The following PLEKHH3 variants were observed in gnomAD, a reference collection of about 807,000 sequenced individuals.
PLEKHH3 encodes the protein pleckstrin homology, MyTH4 and FERM domain containing H3.
PLEKHH3 carries 57 observed loss-of-function variants against 77.8 expected under a neutral mutation model. That is an observed-to-expected ratio of 0.73 (90% CI 0.59 to 0.91). PLEKHH3 has a LOEUF of 0.91. PLEKHH3 is among the 40% of genes least tolerant of loss of function. The probability of loss-of-function intolerance (pLI) is 0.00; values close to 1 mark genes in which losing one functional copy is unlikely to be tolerated. For missense variants in PLEKHH3, 1,082 were observed against 1,091.2 expected (o/e 0.99, Z 0.12); for synonymous variants, 467 against 504.8 (o/e 0.93, Z 1.00).
chr17:42,674,087 C>T, intron 2 of PLEKHH3, 74 bp from the exon 3 acceptor site: 2 of 1,467,338 alleles, frequency 1.4e-6, no homozygotes, highest in South Asian at 2.4e-5. Context: ...CTCCCCAGAC[C>T]GCACGGGTGT....
At chr17:42,670,862 G>C in intron 9 of PLEKHH3, 132 bp downstream of exon 9, 1 of 1,526,474 alleles carries the variant, frequency 6.6e-7, no homozygotes, top group Non-Finnish European at 8.8e-7. Context: ...GCGGCGGGCA[G>C]GTCCGTCTGT....
In PLEKHH3 at chr17:42,671,600, TC is replaced by T; in HGVS notation, c.1077-43del. ...CCAGGGATCAATACTCCAAGGGCTTTCTTCTCCCCCTCCCTCTTGCCTGCTT... is the reference window on the plus strand; with the variant it reads ...CCAGGGATCAATACTCCAAGGGCTTTTTCTCCCCCTCCCTCTTGCCTGCTT... On this transcript the variant is annotated intron_variant, in intron 7 of 12. Coordinates refer to ENST00000591022, the MANE Select transcript of PLEKHH3 (RefSeq NM_024927.5). This position sits in a 1 kb window ranked among gnomAD's most constrained non-coding sequence, Gnocchi z 4.7. 1 of 1,546,282 alleles carries T rather than the reference TC, an allele frequency of 6.5e-7. No individual in the cohort carries two copies. The highest frequency in any genetic ancestry group is 8.8e-7 in the Non-Finnish European group (1 of 1,138,188).
chr17:42,670,730 G>C, intron 9 of PLEKHH3, 25 bp from the exon 10 acceptor site: 7 of 1,603,292 alleles, frequency 4.4e-6, no homozygotes, highest in South Asian at 1.1e-5. Context: ...CGGACGAAGC[G>C]CTAGGGAGAA....
rs374416493 is a variant in PLEKHH3 at position 42,668,156 on chromosome 17, A to G, written c.2353T>C (p.Ser785Pro). The change falls in exon 13 of 13, where the codon TCT becomes CCT. Residue 785 changes from serine to proline, a missense_variant. By Grantham distance (74) the Ser-to-Pro change is moderately conservative. Around this residue, in one of 3 missense-constraint regions of PLEKHH3, gnomAD observed 733 missense variants for 750.0 expected, o/e 0.98. Transcript: ENST00000591022. ...TCCTGCAGCTGCCCCAAGCAGCCAGACTGTCCCTGGGGCTCGTCCAGGCCC... is the reference window on the plus strand; with the variant it reads ...TCCTGCAGCTGCCCCAAGCAGCCAGGCTGTCCCTGGGGCTCGTCCAGGCCC... ...RPGLDEPQGQ[S>P]GCLGQLQD 7 of 1,481,836 alleles carry G rather than the reference A, an allele frequency of 4.7e-6. No homozygotes were observed. Among genetic ancestry groups the G allele is most frequent in the Non-Finnish European group, 6.2e-6 (7 of 1,122,056 alleles). The allele number at this position is 1,481,836 out of a possible 1,614,324, so 91.8% of individuals were successfully genotyped here.
Position 42,676,328 on chromosome 17 carries a change from G to T in PLEKHH3, c.162+74C>A. ...CCAAGCGCGCAGCGTGTGGCTGGAG[G>T]CTGGAGCGGATCAGCGTGACGGCCG... On this transcript the variant is annotated intron_variant, in intron 1 of 12. Transcript: ENST00000591022. This position sits in a 1 kb window ranked among gnomAD's most constrained non-coding sequence, Gnocchi z 6.6. The T allele has an allele frequency of 6.3e-7, 1 of 1,588,154 alleles. No individual in the cohort carries two copies.
rs1368070797 is a variant in PLEKHH3, at chr17:42,668,184, G to T, written c.2325C>A (p.Arg775=). Residue 775 remains arginine, a synonymous_variant, in exon 13 of 13, where the codon CGC becomes CGA. Transcript: ENST00000591022. ...GTCCCTGGGGCTCGTCCAGGCCCGG[G>T]CGCTGGCTGGGAGGGGAGGTGTCTG... The part of the protein sequence containing the change: ...DLPDTSPPSQ[R]PGLDEPQGQS... 2.6e-6 allele frequency: 4 copies of T among 1,549,804 alleles called. No homozygotes were observed. The highest frequency in any genetic ancestry group is 1.7e-6 in the Non-Finnish European group (2 of 1,154,816).
chr17:42,674,763 T>G, intron 1 of PLEKHH3: 2 of 254,102 alleles, frequency 7.9e-6, no homozygotes. Context: ...GGCAAGTCTC[T>G]TCCCGTCTCC....
rs930752439 is a variant in PLEKHH3, at chr17:42,676,034, G to C, written c.162+368C>G. 4 of 1,109,350 alleles carry C rather than the reference G, an allele frequency of 3.6e-6. No individual in the cohort carries two copies. In the Admixed American group the frequency reaches 2.0e-4, roughly 55 times the overall value. 68.7% of individuals were successfully genotyped at this position (1,109,350 alleles called of 1,614,324 possible). A position where few individuals can be genotyped will look rare whatever the true frequency, so the allele number is the denominator to read the frequency against. On this transcript the variant is annotated intron_variant, in intron 1 of 12. Coordinates refer to ENST00000591022, the MANE Select transcript of PLEKHH3 (RefSeq NM_024927.5). The surrounding 1 kb of genome is among the most constrained non-coding windows in gnomAD (Gnocchi z 6.6). ...ACTGGGAGCGGAGGGGGACCCAGGC[G>C]TTCGAGCCGCCCAGCCGGCCTCGCC...
rs778070560 is a variant in PLEKHH3 at position 42,670,037 on chromosome 17, C to G, written c.1894G>C (p.Gly632Arg). 6.5e-7 allele frequency: 1 copy of G among 1,549,480 alleles called. No individual in the cohort carries two copies. The highest frequency in any genetic ancestry group is 2.0e-5 in the Admixed American group (1 of 51,096). The change falls in exon 11 of 13, where the codon GGC (glycine) becomes CGC (arginine). Residue 632 changes from glycine (G) to arginine (R), a missense_variant. Coordinates refer to ENST00000591022, the MANE Select transcript of PLEKHH3 (RefSeq NM_024927.5). ...GGAGTAAAVL[G>R]GWKRLRGMGR... is the part of the protein sequence containing the mutation. The stretch of plus-strand genomic sequence containing the variant: ...ATGCCCCGTAGCCGCTTCCAGCCGC[C>G]CAGCACGGCAGCTGCCGTGCCGGCG...
Position 42,670,148 on chromosome 17 carries a change from C to T in PLEKHH3, c.1783G>A (p.Gly595Ser), listed in dbSNP as rs1385665443. 8 of 1,247,818 alleles carry T rather than the reference C, an allele frequency of 6.4e-6. No homozygotes were observed. The highest frequency in any genetic ancestry group is 3.1e-5 in the South Asian group (1 of 32,028). The allele number at this position is 1,247,818 out of a possible 1,614,324, so 77.3% of individuals were successfully genotyped here. ...CGCTCCGCCCGCCTCTTGGCCAGGC[C>T]CGGGCTCCAGAGCGCCCCGGCCAGC... ...ALLAGALWSP[G>S]LAKRRAERAR... The change falls in exon 11 of 13, where the codon GGC (glycine) becomes AGC (serine). Residue 595 changes from glycine (G) to serine (S), a missense_variant. Physicochemically the swap from Gly to Ser is moderately conservative, Grantham distance 56. This residue lies in a region of PLEKHH3 where 733 missense variants were observed against 750.0 expected (regional missense o/e 0.98). Coordinates refer to ENST00000591022, the MANE Select transcript of PLEKHH3 (RefSeq NM_024927.5).
Position 42,676,969 on chromosome 17 carries a change from G to A in PLEKHH3, c.-406C>T, listed in dbSNP as rs1387324250. On this transcript the variant is annotated 5_prime_UTR_variant, in exon 1 of 13. Transcript: ENST00000591022. This position sits in a 1 kb window ranked among gnomAD's most constrained non-coding sequence, Gnocchi z 6.6. ...GGTGGCCGGGGCCCGGGCCGCGCGCGCTGCGCTCCCTGCAGCCCCGGGACT... is the reference window on the plus strand; with the variant it reads ...GGTGGCCGGGGCCCGGGCCGCGCGCACTGCGCTCCCTGCAGCCCCGGGACT... 5.8e-6 allele frequency: 1 copy of A among 173,632 alleles called. No individual in the cohort carries two copies. The highest frequency in any genetic ancestry group is 1.2e-5 in the Non-Finnish European group (1 of 82,836). The allele number at this position is 173,632 out of a possible 1,614,324, so 10.8% of individuals were successfully genotyped here. A position where few individuals can be genotyped will look rare whatever the true frequency, so the allele number is the denominator to read the frequency against.
chr17:42,674,520 A>C (rs2052780104), intron 1 of PLEKHH3, 111 bp from the exon 2 acceptor site: 1 of 956,540 alleles, frequency 1.0e-6, no homozygotes, highest in East Asian at 2.9e-5. Context: ...GAGGAGTCAC[A>C]GAGTGGGGTC....
At chr17:42,672,435 A>C in intron 6 of PLEKHH3, 43 bp from the exon 7 acceptor site, 1 of 1,460,426 alleles carries the variant, frequency 6.8e-7, no homozygotes, top group Non-Finnish European at 9.1e-7. Flanking sequence ...GAGAGGGGAC[A>C]CAGAGCTGCG....
chr17:42,676,446 C>T lies in PLEKHH3; in HGVS notation c.118G>A (p.Glu40Lys), dbSNP rs187399765. The T allele has an allele frequency of 6.2e-7, 1 of 1,612,728 alleles. No homozygotes were observed. Among genetic ancestry groups the T allele is most frequent in the Admixed American group, 1.7e-5 (1 of 59,912 alleles). The change falls in exon 1 of 13, where the codon GAA becomes AAA. Residue 40 changes from glutamate to lysine, a missense_variant. Glu to Lys is a moderately conservative substitution (Grantham distance 56). This residue lies in a region of PLEKHH3 where 344 missense variants were observed against 320.8 expected (regional missense o/e 1.07). Transcript: ENST00000591022. This position sits in a 1 kb window ranked among gnomAD's most constrained non-coding sequence, Gnocchi z 6.6. The part of the protein sequence containing the change: ...SGDGDEDEDE[E>K]TFELRTPSPA... ...CTCGGGGTCCGCAGCTCAAAGGTTTCCTCGTCCTCGTCCTCGTCCCCGTCC... is the reference window on the plus strand; with the variant it reads ...CTCGGGGTCCGCAGCTCAAAGGTTTTCTCGTCCTCGTCCTCGTCCCCGTCC...
chr17:42,674,141 C>T, intron 2 of PLEKHH3, 128 bp from the exon 3 acceptor site: 1 of 1,130,520 alleles, frequency 8.8e-7, no homozygotes, highest in Non-Finnish European at 1.3e-6. Flanking sequence ...GTGGGAACCG[C>T]TGGGCCATTC....
rs1264069110 is a variant in PLEKHH3, at chr17:42,669,531, G to A, written c.2104C>T (p.His702Tyr). The A allele has an allele frequency of 1.2e-6, 2 of 1,611,776 alleles. No homozygotes were observed. Among genetic ancestry groups the A allele is most frequent in the Non-Finnish European group, 1.7e-6 (2 of 1,178,882 alleles). ...LSRPGETEPI[H>Y]SVSYGHVAAC... The stretch of plus-strand genomic sequence containing the variant: ...GCCACATGGCCATAGCTGACACTGT[G>A]GATGGGCTCCGTCTCCCCTGGCCGG... Residue 702 changes from histidine to tyrosine, a missense_variant, in exon 12 of 13, where the codon CAC (histidine) becomes TAC (tyrosine). This residue lies in a region of PLEKHH3 where 733 missense variants were observed against 750.0 expected (regional missense o/e 0.98). Transcript: ENST00000591022.
At chr17:42,672,422 T>C (rs1381068497) in intron 6 of PLEKHH3, 30 bp from the exon 7 acceptor site, 3 of 1,479,444 alleles carry the variant, frequency 2.0e-6, no homozygotes, top group African/African-American at 2.8e-5. Context: ...GAGGGACGGT[T>C]TGGAGAGGGG....
intron 7 of PLEKHH3, 29 bp downstream of exon 7, chr17:42,672,057 G>T (rs1274644656): frequency 2.1e-6 from 3 of 1,443,742 alleles, no homozygotes; most frequent in Non-Finnish European, 2.7e-6. Flanking sequence ...TCCTCGCCTA[G>T]GCCGTAACCC....
At chr17:42,674,061 G>A (rs748430231) in intron 2 of PLEKHH3, 48 bp from the exon 3 acceptor site, 2 of 1,583,758 alleles carry the variant, frequency 1.3e-6, no homozygotes, top group African/African-American at 1.3e-5. Context: ...GCCTCTAGGG[G>A]GCTCCTCTGT....
Sources: gnomAD v4.1 joint callset for allele counts on GRCh38, gnomAD v4.1.1 for gene constraint, gnomAD v4.1.1 regional missense constraint, Gnocchi (gnomAD v3.1) non-coding constraint, MANE v1.5 for transcripts, NCBI Gene and HGNC (gene_info 2026-07-23, HGNC 2026-07-21) for gene names.